Variants in KSR2 observed in about 807,000 individuals in gnomAD.
The protein encoded by KSR2 is kinase suppressor of ras 2.
Under a neutral mutation model 107.8 loss-of-function variants are expected in KSR2, and 25 were observed. The observed-to-expected ratio is 0.23, with a 90% CI of 0.17 to 0.32. KSR2 has a LOEUF of 0.32. Ranked by LOEUF, KSR2 falls within the 10% of genes least tolerant of loss-of-function variation. The pLI is 1.00. For missense variants in KSR2, 887 were observed against 1,268.9 expected, an observed-to-expected ratio of 0.70 and a Z score of 4.57; for synonymous variants, 480 against 507.0, an observed-to-expected ratio of 0.95 and a Z score of 0.71.
chr12:117,546,717 A>T (rs1396793785), intron 9 of KSR2, among the ~76,000 whole-genome samples: 1 of 152,174 alleles, frequency 6.6e-6, no homozygotes, highest in African/African-American at 2.4e-5. Flanking sequence ...TCAAGTTCAC[A>T]AATTCTTTCC....
At chr12:117,921,609 A>G (rs61945387) in intron 1 of KSR2, among the ~76,000 whole-genome samples, 12,147 of 152,184 alleles carry the variant, frequency 0.08, 599 homozygotes, top group South Asian at 0.23. Flanking sequence ...CAGGGAGGTT[A>G]CTTCACGTCT....
rs35130903 is a variant in KSR2 at position 117,573,524 on chromosome 12, CT to C, written c.1325+5594del. On this transcript the variant is annotated intron_variant, in intron 7 of 19. Coordinates refer to ENST00000339824, the MANE Select transcript of KSR2 (RefSeq NM_173598.6). ...AGCCTGTGTTCCTATCACATGTTAT[CT>C]TTTTTTTTTTTTTTTTTTTTGAGAT... Among the ~76,000 whole-genome samples, 462 of 108,324 alleles carry C rather than the reference CT, an allele frequency of 4.3e-3. 1 individual carries two copies. The highest frequency in any genetic ancestry group is 5.4e-3 in the Admixed American group (50 of 9,182). The allele number at this position is 108,324 out of a possible 152,430, so 71.1% of individuals were successfully genotyped here. A position where few individuals can be genotyped will look rare whatever the true frequency, so the allele number is the denominator to read the frequency against.
intron 5 of KSR2, among the ~76,000 whole-genome samples, chr12:117,591,401 T>C (rs1156577435): frequency 6.6e-6 from 1 of 152,156 alleles, no homozygotes; most frequent in Non-Finnish European, 1.5e-5. Flanking sequence ...CCCCTGCATC[T>C]GATAAAGCGG....
intron 5 of KSR2, among the ~76,000 whole-genome samples, chr12:117,615,233 ACACACACACAC>A (rs1881809051): frequency 3.3e-5 from 5 of 149,742 alleles, no homozygotes; most frequent in Non-Finnish European, 1.5e-5. Context: ...ACACACACAC[ACACACACACAC>A]ACACACACAC....
At chr12:117,672,190 A>C (rs1195975772) in intron 4 of KSR2, among the ~76,000 whole-genome samples, 2 of 152,218 alleles carry the variant, frequency 1.3e-5, no homozygotes, top group Non-Finnish European at 2.9e-5. Context: ...GCAAATGCTC[A>C]ATGTTCAAGA....
intron 5 of KSR2, among the ~76,000 whole-genome samples, chr12:117,636,819 A>G (rs987047331): frequency 3.9e-5 from 6 of 152,240 alleles, no homozygotes; most frequent in African/African-American, 1.2e-4. Context: ...TGACTGCATT[A>G]ACGTTAAGAA....
chr12:117,777,268 T>C (rs1257664307), intron 3 of KSR2, among the ~76,000 whole-genome samples: 1 of 151,226 alleles, frequency 6.6e-6, no homozygotes, highest in African/African-American at 2.4e-5. Flanking sequence ...CTAACACAGG[T>C]ATTTTCTCCA....
intron 14 of KSR2, among the ~76,000 whole-genome samples, chr12:117,524,107 G>A (rs971547901): frequency 6.6e-6 from 1 of 152,156 alleles, no homozygotes; most frequent in Non-Finnish European, 1.5e-5. Context: ...GTCTATAGCC[G>A]CTTTCAGACT....
chr12:117,676,679 A>G (rs78687495), intron 4 of KSR2, among the ~76,000 whole-genome samples: 2,661 of 152,328 alleles, frequency 0.017, 56 homozygotes, highest in African/African-American at 0.047. Context: ...TAAGGCAAAC[A>G]GAACTCTCCT....
rs1455139047 is a variant in KSR2 at position 117,462,554 on chromosome 12, A to G, written c.*4645T>C. On this transcript the variant is annotated 3_prime_UTR_variant, in exon 20 of 20. Coordinates refer to ENST00000339824, the MANE Select transcript of KSR2 (RefSeq NM_173598.6). ...GGATTCCCTTACAGATTTCAGGGGG[A>G]ACATGGCCCTGCTAACACTTTGATT... The G allele has an allele frequency of 6.6e-6, 1 of 152,164 alleles. No homozygotes were observed. Among genetic ancestry groups the G allele is most frequent in the African/African-American group, 2.4e-5 (1 of 41,422 alleles). 9.4% of individuals were successfully genotyped at this position (152,164 alleles called of 1,614,324 possible). A position where few individuals can be genotyped will look rare whatever the true frequency, so the allele number is the denominator to read the frequency against.
chr12:117,510,074 G>A (rs529730272), intron 14 of KSR2, among the ~76,000 whole-genome samples: 1 of 152,112 alleles, frequency 6.6e-6, no homozygotes, highest in Non-Finnish European at 1.5e-5. Flanking sequence ...TTAAATTTTG[G>A]TCACCTACAC....
At chr12:117,834,455 AT>A (rs1485665156) in intron 3 of KSR2, among the ~76,000 whole-genome samples, 5 of 148,400 alleles carry the variant, frequency 3.4e-5, no homozygotes, top group African/African-American at 1.2e-4. Flanking sequence ...CGGGGTAGGG[AT>A]TTTTTTTGAG....
At chr12:117,748,145 A>T (rs1888480029) in intron 4 of KSR2, among the ~76,000 whole-genome samples, 1 of 152,230 alleles carries the variant, frequency 6.6e-6, no homozygotes, top group Non-Finnish European at 1.5e-5. Flanking sequence ...AAACCCTGTT[A>T]TCTGTGACAC....
intron 14 of KSR2, among the ~76,000 whole-genome samples, chr12:117,490,297 G>C (rs1281206962): frequency 1.3e-5 from 2 of 152,134 alleles, no homozygotes; most frequent in Admixed American, 1.3e-4. Flanking sequence ...CTACTTGCTG[G>C]GTGACCTTCA....
intron 1 of KSR2, among the ~76,000 whole-genome samples, chr12:117,896,206 A>G (rs1031186488): frequency 6.6e-6 from 1 of 152,282 alleles, no homozygotes; most frequent in Admixed American, 6.5e-5. Flanking sequence ...AAAGGAATGA[A>G]GTACTGATAC....
At chr12:117,606,123 T>C (rs1207129861) in intron 5 of KSR2, among the ~76,000 whole-genome samples, 1 of 152,072 alleles carries the variant, frequency 6.6e-6, no homozygotes, top group Non-Finnish European at 1.5e-5. Flanking sequence ...AGGGCTTACC[T>C]GGCATGCAGG....
intron 4 of KSR2, among the ~76,000 whole-genome samples, chr12:117,677,654 A>C (rs1474494421): frequency 6.6e-6 from 1 of 152,120 alleles, no homozygotes; most frequent in Non-Finnish European, 1.5e-5. Flanking sequence ...TACCACTTTT[A>C]ATGGGATAGT....
At chr12:117,946,325 A>C (rs2137550524) in intron 1 of KSR2, among the ~76,000 whole-genome samples, 1 of 152,298 alleles carries the variant, frequency 6.6e-6, no homozygotes, top group African/African-American at 2.4e-5. Context: ...AAAATTATAA[A>C]CTTCCAGCCA....
At chr12:117,484,382 A>AG in intron 16 of KSR2, 34 bp downstream of exon 16, 1 of 1,611,482 alleles carries the variant, frequency 6.2e-7, no homozygotes. Flanking sequence ...ATCATCTGTC[A>AG]GGAAACTCTC....
Sources: allele counts gnomAD v4.1 joint callset (sites outside exome capture counted in the v4.1 genomes callset), GRCh38; gene constraint gnomAD v4.1.1; transcripts MANE v1.5; gene names NCBI Gene and HGNC (gene_info 2026-07-23, HGNC 2026-07-21).